Variants in LARP1B observed in about 807,000 individuals in gnomAD.
LARP1B encodes La ribonucleoprotein 1B.
A neutral mutation model predicts 114.2 loss-of-function variants in LARP1B; 76 were observed. The ratio of observed to expected loss-of-function variants is 0.67; its 90% CI spans 0.55 to 0.81. LARP1B has a LOEUF of 0.81. LARP1B is among the 30% of genes least tolerant of loss of function. The pLI, the probability that LARP1B is intolerant of heterozygous loss-of-function variation, is 0.00. For missense variants in LARP1B, 1,014 were observed against 1,075.8 expected (o/e 0.94, Z 0.80); for synonymous variants, 345 against 348.0 (o/e 0.99, Z 0.10).
chr4:128,067,342 T>A (rs1763393137), intron 1 of LARP1B, among the ~76,000 whole-genome samples: 1 of 152,180 alleles, frequency 6.6e-6, no homozygotes, highest in Admixed American at 6.6e-5. Context: ...GATTTACTGT[T>A]ACTCTGTTAA....
At chr4:128,075,030 G>T (rs1767247066) in intron 3 of LARP1B, 37 bp downstream of exon 3, 3 of 1,305,744 alleles carry the variant, frequency 2.3e-6, no homozygotes, top group South Asian at 2.5e-5. Flanking sequence ...TTTAAAGAAA[G>T]GAAAATGTAT....
chr4:128,169,924 A>G lies in LARP1B; in HGVS notation c.1649-6948A>G, dbSNP rs559633595. On this transcript the variant is annotated intron_variant, in intron 12 of 19. Transcript: ENST00000326639. ...AGTGCTGGGATTACAGGCATGAGCC[A>G]TGAGCACAGCCCTTAATTCTATGTA... 5.3e-5 allele frequency among the ~76,000 whole-genome samples: 8 copies of G among 152,334 alleles called. No individual in the cohort carries two copies. In the South Asian group the frequency reaches 1.7e-3, roughly 32 times the overall value.
chr4:128,166,993 T>TATACAC (rs775724221), intron 12 of LARP1B, among the ~76,000 whole-genome samples: 3 of 138,384 alleles, frequency 2.2e-5, no homozygotes, highest in African/African-American at 8.1e-5. Flanking sequence ...TATATATATA[T>TATACAC]ACACACACAC....
At chr4:128,185,713 T>A (rs1480615499) in intron 15 of LARP1B, among the ~76,000 whole-genome samples, 1 of 152,166 alleles carries the variant, frequency 6.6e-6, no homozygotes, top group Non-Finnish European at 1.5e-5. Context: ...AGTCTATTTT[T>A]GCTTTTGTTC....
At chr4:128,146,331 A>T (rs1246356577) in intron 11 of LARP1B, among the ~76,000 whole-genome samples, 1 of 152,224 alleles carries the variant, frequency 6.6e-6, no homozygotes, top group African/African-American at 2.4e-5. Context: ...AACAATGCCA[A>T]TATAGATCAA....
intron 5 of LARP1B, among the ~76,000 whole-genome samples, chr4:128,083,581 C>T (rs1229029067): frequency 6.7e-6 from 1 of 148,244 alleles, no homozygotes; most frequent in Non-Finnish European, 1.5e-5. Context: ...GGCTGACCCC[C>T]CCACCTCCCT....
chr4:128,121,266 TG>T (rs1405322996), intron 10 of LARP1B, among the ~76,000 whole-genome samples: 5 of 152,222 alleles, frequency 3.3e-5, no homozygotes, highest in Admixed American at 6.5e-5. Flanking sequence ...GGAAGACCAT[TG>T]ACTCTGAAAA....
chr4:128,183,071 G>A (rs1749102522), intron 15 of LARP1B, among the ~76,000 whole-genome samples: 1 of 152,210 alleles, frequency 6.6e-6, no homozygotes, highest in South Asian at 2.1e-4. Context: ...AGTGCAAGGT[G>A]AAGGAGCAAG....
chr4:128,082,615 T>C (rs1770937112), intron 5 of LARP1B, among the ~76,000 whole-genome samples: 1 of 151,946 alleles, frequency 6.6e-6, no homozygotes, highest in Non-Finnish European at 1.5e-5. Context: ...ATTTTTTTTT[T>C]CTCTTTAGGC....
At chr4:128,222,470 C>A in exon 8 of LARP1B, 1 of 414,990 alleles carries the variant, frequency 2.4e-6, no homozygotes, top group South Asian at 1.7e-5. Context: ...CCCCACCCCA[C>A]ATCAATGCCA....
chr4:128,112,817 T>A (rs766016535), intron 9 of LARP1B, among the ~76,000 whole-genome samples: 1 of 152,102 alleles, frequency 6.6e-6, no homozygotes, highest in Non-Finnish European at 1.5e-5. Context: ...CTTTTCCTGT[T>A]ATGAAACAAT....
intron 3 of LARP1B, among the ~76,000 whole-genome samples, 184 bp from the exon 4 acceptor site, chr4:128,077,593 TCAAATACTTAG>T (rs1269519042): frequency 6.6e-6 from 1 of 152,042 alleles, no homozygotes; most frequent in African/African-American, 2.4e-5. Context: ...AAGTTCTTTA[TCAAATACTTAG>T]CAAATACTTT....
Position 128,210,204 on chromosome 4 carries a change from A to C in LARP1B, c.*151A>C, listed in dbSNP as rs1758730939. 7.0e-7 allele frequency: 1 copy of C among 1,431,888 alleles called. No individual in the cohort carries two copies. The highest frequency in any genetic ancestry group is 9.1e-7 in the Non-Finnish European group (1 of 1,095,606). 88.7% of individuals were successfully genotyped at this position (1,431,888 alleles called of 1,614,324 possible). On this transcript the variant is annotated 3_prime_UTR_variant, in exon 20 of 20. Transcript: ENST00000326639. ...TGTTTAATTGTGATAATAAGAAAGA[A>C]GAAAAAGAAAGAAAAGTGGTAGCAT...
chr4:128,095,438 G>A (rs1177108079), intron 7 of LARP1B, among the ~76,000 whole-genome samples: 3 of 141,794 alleles, frequency 2.1e-5, no homozygotes, highest in Admixed American at 7.6e-5. Flanking sequence ...GCAGTGAGCC[G>A]AGATCATGCC....
intron 1 of LARP1B, among the ~76,000 whole-genome samples, chr4:128,066,760 A>T (rs1341219905): frequency 1.4e-5 from 2 of 147,404 alleles, no homozygotes; most frequent in Non-Finnish European, 3.0e-5. Context: ...TACAGGTGTG[A>T]ACCACCGTGC....
At position 128,091,041 on chromosome 4, in the gene LARP1B, C is replaced by T. The variant is rs774460418; in HGVS notation, c.399C>T (p.Asp133=). The change falls in exon 6 of 20, where the codon GAC becomes GAT. Residue 133 remains aspartate (D), a synonymous_variant. Coordinates refer to ENST00000326639, the MANE Select transcript of LARP1B (RefSeq NM_018078.4). ...GAGAAAAAAGGGATGATCAAGATGA[C>T]GTTTCCAGTGTGAGAAGTGAGGGTG... The part of the protein sequence containing the change: ...RDREKRDDQD[D]VSSVRSEGGN... 15 of 1,613,154 alleles carry T rather than the reference C, an allele frequency of 9.3e-6. No individual in the cohort carries two copies. The highest frequency in any genetic ancestry group is 6.6e-5 in the South Asian group (6 of 90,954).
chr4:128,084,562 C>T lies in LARP1B; in HGVS notation c.358+2257C>T, dbSNP rs866009138. Among the ~76,000 whole-genome samples the T allele has an allele frequency of 1.8e-4, 28 of 151,630 alleles. No individual in the cohort carries two copies. In the South Asian group the frequency reaches 2.5e-3, roughly 14 times the overall value. On this transcript the variant is annotated intron_variant, in intron 5 of 19. Coordinates refer to ENST00000326639, the MANE Select transcript of LARP1B (RefSeq NM_018078.4). ...ATCAGGCAGGGAGGTTGCAGTGAGC[C>T]GAGATGGCAGCAGTACAGTCCAGCT...
chr4:128,060,861 A>G (rs1269343898), upstream of LARP1B, among the ~76,000 whole-genome samples: 1 of 151,902 alleles, frequency 6.6e-6, no homozygotes, highest in Non-Finnish European at 1.5e-5. Context: ...TTCACTTGGG[A>G]GCTGCCCCAG....
At chr4:128,122,454 GTTTTGTTT>G (rs371616104) in intron 11 of LARP1B, 103 of 1,420,544 alleles carry the variant, frequency 7.3e-5, no homozygotes, top group South Asian at 1.3e-4. Context: ...TTTTTTTTTT[GTTTTGTTT>G]TTTTTTGTTT....
Sources: gnomAD v4.1 joint callset for allele counts (sites outside exome capture counted in the v4.1 genomes callset) on GRCh38, gnomAD v4.1.1 for gene constraint, MANE v1.5 for transcripts, NCBI Gene and HGNC (gene_info 2026-07-23, HGNC 2026-07-21) for gene names.